Variants in FAT3 observed in about 807,000 individuals in gnomAD.
FAT3 encodes protocadherin Fat 3.
In FAT3, 95 loss-of-function variants were observed where a neutral mutation model predicts 310.2. The ratio of observed to expected loss-of-function variants is 0.31; its 90% confidence interval spans 0.26 to 0.36. The LOEUF (loss-of-function observed/expected upper bound fraction) is 0.36. Among genes scored for constraint, FAT3 ranks in the 10% least tolerant of loss-of-function variants. The probability of loss-of-function intolerance (pLI) is 1.00; values close to 1 mark genes in which losing one functional copy is unlikely to be tolerated. For missense variants in FAT3, 5,408 were observed against 5,715.6 expected, an observed-to-expected ratio of 0.95 and a Z score of 1.74; for synonymous variants, 2,314 against 2,192.9, an observed-to-expected ratio of 1.06 and a Z score of -1.54.
In FAT3 at chr11:92,857,250, A is replaced by T; in HGVS notation, c.11402A>T (p.Glu3801Val). Residue 3801 changes from glutamate to valine, a missense_variant, in exon 20 of 28, where the codon GAG (glutamate) becomes GTG (valine). Physicochemically the swap from Glu to Val is moderately radical, Grantham distance 121. Transcript: ENST00000525166. Reference sequence around the variant, plus strand: ...CCGGGGTCCAACGATCCTTGTGTGGAGAAGCCGTGTCCAGGGGACATGCAG... The same window carrying T: ...CCGGGGTCCAACGATCCTTGTGTGGTGAAGCCGTGTCCAGGGGACATGCAG... Reference protein sequence around the residue: ...LCPGSNDPCVEKPCPGDMQCV... With the variant: ...LCPGSNDPCVVKPCPGDMQCV... 1.2e-6 allele frequency: 2 copies of T among 1,613,966 alleles called. No individual in the cohort carries two copies. The highest frequency in any genetic ancestry group is 1.7e-6 in the Non-Finnish European group (2 of 1,179,886).
At chr11:92,293,255 C>A (rs1184387016) in intron 1 of FAT3, among the ~76,000 whole-genome samples, 1 of 151,434 alleles carries the variant, frequency 6.6e-6, no homozygotes, top group Non-Finnish European at 1.5e-5. Flanking sequence ...GGGGGATGAG[C>A]TTTCTTTTTA....
intron 1 of FAT3, among the ~76,000 whole-genome samples, chr11:92,334,748 T>C (rs1948011359): frequency 6.6e-6 from 1 of 152,194 alleles, no homozygotes. Flanking sequence ...GGAGAAAAGA[T>C]AGCTGCCTCA....
chr11:92,832,759 G>A (rs1200355740), intron 14 of FAT3, among the ~76,000 whole-genome samples: 1 of 152,174 alleles, frequency 6.6e-6, no homozygotes, highest in East Asian at 1.9e-4. Flanking sequence ...TCATGGGGAT[G>A]AGCCTCCGTG....
At position 92,513,727 on chromosome 11, in the gene FAT3, A is replaced by T. The variant is rs549666682; in HGVS notation, c.3293-10907A>T. ...GCGTTAAATGAATCATGCACAAGTG[A>T]ACAGACTCTGTTAGAAGCATATACA... On this transcript the variant is annotated intron_variant, in intron 2 of 27. Coordinates refer to ENST00000525166, the MANE Select transcript of FAT3 (RefSeq NM_001367949.2). Among the ~76,000 whole-genome samples the T allele has an allele frequency of 3.3e-5, 5 of 152,328 alleles. No individual in the cohort carries two copies. The East Asian group carries it at 9.7e-4, about 29-fold the overall frequency.
intron 1 of FAT3, among the ~76,000 whole-genome samples, 134 bp downstream of exon 1, chr11:92,225,308 G>C (rs1218784179): frequency 1.3e-5 from 2 of 152,174 alleles, no homozygotes; most frequent in Non-Finnish European, 1.5e-5. Flanking sequence ...CCGACGAAGC[G>C]CGTGGGGGAA....
intron 2 of FAT3, among the ~76,000 whole-genome samples, chr11:92,410,259 C>T (rs1396255601): frequency 6.6e-6 from 1 of 151,844 alleles, no homozygotes; most frequent in Non-Finnish European, 1.5e-5. Context: ...TATGTAGCCA[C>T]TTAAAAGTTC....
chr11:92,804,604 G>C (rs1421975228), intron 10 of FAT3, among the ~76,000 whole-genome samples: 1 of 152,008 alleles, frequency 6.6e-6, no homozygotes, highest in African/African-American at 2.4e-5. Flanking sequence ...CCCTCGTTAG[G>C]GCTATTTAAC....
In FAT3 at chr11:92,352,211, G is replaced by T. The variant is rs1948587217; in HGVS notation, c.99G>T (p.Leu33=). 2 of 1,380,050 alleles carry T rather than the reference G, an allele frequency of 1.4e-6. No individual in the cohort carries two copies. The highest frequency in any genetic ancestry group is 9.7e-7 in the Non-Finnish European group (1 of 1,030,596). The allele number at this position is 1,380,050 out of a possible 1,614,324, so 85.5% of individuals were successfully genotyped here. ...TTTTGGCCACTGTCTCCCAGGGGCT[G>T]CCAGGGACTGGACCCCTGGGCTTCC... ...FKLLATVSQG[L]PGTGPLGFHF... Residue 33 remains leucine, a synonymous_variant, in exon 2 of 28, where the codon CTG becomes CTT. Coordinates refer to ENST00000525166, the MANE Select transcript of FAT3 (RefSeq NM_001367949.2).
chr11:92,520,724 A>G (rs1253755951), intron 2 of FAT3, among the ~76,000 whole-genome samples: 2 of 152,206 alleles, frequency 1.3e-5, no homozygotes, highest in East Asian at 1.9e-4. Flanking sequence ...ATTAATATTG[A>G]GTCTTGGATG....
At chr11:92,267,510 T>A (rs1945999647) in intron 1 of FAT3, among the ~76,000 whole-genome samples, 1 of 149,268 alleles carries the variant, frequency 6.7e-6, no homozygotes, top group South Asian at 2.1e-4. Flanking sequence ...GGGCCAAGAG[T>A]GGCAGCTTGG....
intron 25 of FAT3, among the ~76,000 whole-genome samples, chr11:92,887,687 C>T (rs1354539353): frequency 6.6e-6 from 1 of 152,124 alleles, no homozygotes; most frequent in Non-Finnish European, 1.5e-5. Context: ...GGTTCACAGA[C>T]TTTGTTGACA....
intron 22 of FAT3, among the ~76,000 whole-genome samples, chr11:92,872,362 G>A (rs1049640010): frequency 2.0e-5 from 3 of 152,178 alleles, no homozygotes; most frequent in African/African-American, 7.2e-5. Flanking sequence ...CTGGTTTAAG[G>A]GAACTGAACA....
At chr11:92,262,233 T>C (rs1237089667) in intron 1 of FAT3, among the ~76,000 whole-genome samples, 1 of 152,140 alleles carries the variant, frequency 6.6e-6, no homozygotes. Context: ...CTGCCCTTGA[T>C]TGGTAATTAC....
Position 92,555,276 on chromosome 11 carries a change from C to T in FAT3, c.3607+30328C>T, listed in dbSNP as rs141027439. The stretch of plus-strand genomic sequence containing the variant: ...AATAGGGATTGTATTGCAGCATTAA[C>T]GATTTCAATAGCTGAGTGGGAAATG... On this transcript the variant is annotated intron_variant, in intron 3 of 27. Transcript: ENST00000525166. 3.2e-4 allele frequency among the ~76,000 whole-genome samples: 49 copies of T among 152,262 alleles called. No homozygotes were observed. In the East Asian group the frequency reaches 8.9e-3, roughly 28 times the overall value.
At chr11:92,268,484 A>G (rs202151699) in intron 1 of FAT3, among the ~76,000 whole-genome samples, 2 of 149,996 alleles carry the variant, frequency 1.3e-5, no homozygotes, top group African/African-American at 4.9e-5. Context: ...TTTTTTTTTA[A>G]TTTTTAAAAG....
At chr11:92,575,140 T>C (rs1770103718) in intron 3 of FAT3, among the ~76,000 whole-genome samples, 2 of 152,190 alleles carry the variant, frequency 1.3e-5, no homozygotes, top group Non-Finnish European at 1.5e-5. Flanking sequence ...CACTAATATC[T>C]TTTAGGTATT....
At chr11:92,565,942 C>A (rs1380061051) in intron 3 of FAT3, among the ~76,000 whole-genome samples, 3 of 151,962 alleles carry the variant, frequency 2.0e-5, no homozygotes, top group Non-Finnish European at 2.9e-5. Flanking sequence ...ACTGAATGGG[C>A]AAAAACTGGA....
At chr11:92,433,860 C>CA (rs375945917) in intron 2 of FAT3, among the ~76,000 whole-genome samples, 1 of 151,054 alleles carries the variant, frequency 6.6e-6, no homozygotes, top group African/African-American at 2.4e-5. Flanking sequence ...AAAAAAAATA[C>CA]AAAAAATTAG....
At chr11:92,616,763 G>T (rs1268694753) in intron 3 of FAT3, among the ~76,000 whole-genome samples, 1 of 152,096 alleles carries the variant, frequency 6.6e-6, no homozygotes, top group Non-Finnish European at 1.5e-5. Flanking sequence ...ATGAAATTCT[G>T]GGTTGAAAAT....
Sources: allele counts gnomAD v4.1 joint callset (sites outside exome capture counted in the v4.1 genomes callset), GRCh38; gene constraint gnomAD v4.1.1; transcripts MANE v1.5; gene names NCBI Gene and HGNC (gene_info 2026-07-23, HGNC 2026-07-21).